Variants in STXBP6 observed in about 807,000 individuals in gnomAD.
STXBP6 encodes the protein syntaxin-binding protein 6.
Under a neutral mutation model 26.9 loss-of-function variants are expected in STXBP6, and 21 were observed. The ratio of observed to expected loss-of-function variants is 0.78; its 90% CI spans 0.55 to 1.12. STXBP6 has a LOEUF of 1.12. Among genes scored for constraint, STXBP6 ranks in the 50% most tolerant of loss-of-function variants. The pLI is 0.00. For synonymous variants in STXBP6, 97 were observed against 92.6 expected (o/e 1.05, Z -0.27); for missense variants, 232 against 257.9 (o/e 0.90, Z 0.69).
intron 1 of STXBP6, among the ~76,000 whole-genome samples, chr14:25,040,888 G>A (rs2075631918): frequency 6.6e-6 from 1 of 152,192 alleles, no homozygotes; most frequent in African/African-American, 2.4e-5. Flanking sequence ...AGATAGACCA[G>A]TAAGTATGTG....
At chr14:24,922,844 A>T (rs2072028312) in intron 2 of STXBP6, among the ~76,000 whole-genome samples, 1 of 152,184 alleles carries the variant, frequency 6.6e-6, no homozygotes, top group Admixed American at 6.5e-5. Context: ...ATGAAAGAAC[A>T]GCATGTCCAG....
chr14:25,031,295 T>C (rs140963793), intron 1 of STXBP6, among the ~76,000 whole-genome samples: 337 of 152,232 alleles, frequency 2.2e-3, no homozygotes, highest in Non-Finnish European at 3.7e-3. Flanking sequence ...TTCTAGAAAA[T>C]CACAATGAGC....
At chr14:24,941,568 T>C (rs931533281) in intron 2 of STXBP6, among the ~76,000 whole-genome samples, 5 of 151,610 alleles carry the variant, frequency 3.3e-5, no homozygotes, top group Non-Finnish European at 5.9e-5. Flanking sequence ...GAGCAGGAGG[T>C]TGAATAGTAA....
chr14:24,898,409 C>T (rs964279371), intron 2 of STXBP6, among the ~76,000 whole-genome samples: 6 of 152,026 alleles, frequency 3.9e-5, no homozygotes, highest in African/African-American at 7.2e-5. Context: ...CTGGGTGCGG[C>T]GGGTCATGCC....
At chr14:24,837,897 T>C (rs377060279) in intron 4 of STXBP6, among the ~76,000 whole-genome samples, 10 of 152,234 alleles carry the variant, frequency 6.6e-5, no homozygotes, top group African/African-American at 2.2e-4. Flanking sequence ...TGGCTGGAAA[T>C]AACAACTGGA....
chr14:24,945,411 A>G (rs1197356333), intron 2 of STXBP6, among the ~76,000 whole-genome samples: 3 of 152,000 alleles, frequency 2.0e-5, no homozygotes, highest in East Asian at 3.9e-4. Context: ...TAAAAAATAA[A>G]TAAATAAAAT....
At chr14:25,011,113 A>G (rs1316321510) in intron 1 of STXBP6, among the ~76,000 whole-genome samples, 1 of 152,248 alleles carries the variant, frequency 6.6e-6, no homozygotes, top group Non-Finnish European at 1.5e-5. Context: ...ATTTGTCTAT[A>G]ACTACAAAAA....
At chr14:25,015,342 T>C (rs113436463) in intron 1 of STXBP6, among the ~76,000 whole-genome samples, 190 of 152,220 alleles carry the variant, frequency 1.2e-3, no homozygotes, top group African/African-American at 4.1e-3. Flanking sequence ...GGGCCTCTTG[T>C]GCACTCCTCT....
At chr14:24,885,497 C>T (rs937020596) in intron 2 of STXBP6, among the ~76,000 whole-genome samples, 6 of 152,232 alleles carry the variant, frequency 3.9e-5, no homozygotes, top group African/African-American at 1.4e-4. Context: ...GCCCATTACA[C>T]TCAATCCCCT....
chr14:24,872,231 T>C (rs751429973), intron 2 of STXBP6, among the ~76,000 whole-genome samples: 4 of 152,114 alleles, frequency 2.6e-5, no homozygotes, highest in South Asian at 2.1e-4. Flanking sequence ...AAGATAAGCA[T>C]TGAGGAGTAA....
At chr14:24,833,452 C>A (rs2068518297) in intron 4 of STXBP6, among the ~76,000 whole-genome samples, 1 of 152,080 alleles carries the variant, frequency 6.6e-6, no homozygotes, top group African/African-American at 2.4e-5. Flanking sequence ...AAGAATAATC[C>A]CTTCATTTTT....
chr14:24,991,173 AGAGGAG>A (rs112495862), intron 1 of STXBP6, among the ~76,000 whole-genome samples: 1 of 149,460 alleles, frequency 6.7e-6, no homozygotes, highest in African/African-American at 2.5e-5. Flanking sequence ...GAGCAGAGAG[AGAGGAG>A]GAGGAGGAGG....
chr14:25,017,645 A>G (rs1458663856), intron 1 of STXBP6, among the ~76,000 whole-genome samples: 3 of 152,252 alleles, frequency 2.0e-5, no homozygotes, highest in Admixed American at 6.5e-5. Flanking sequence ...TTGGGCCACA[A>G]TACATCTCAA....
At chr14:24,890,925 AGT>A (rs766722540) in intron 2 of STXBP6, among the ~76,000 whole-genome samples, 25 of 152,218 alleles carry the variant, frequency 1.6e-4, no homozygotes, top group Admixed American at 3.3e-4. Context: ...CTAACAATCA[AGT>A]ATCAGGGTAG....
chr14:25,007,013 T>C (rs912409476), intron 1 of STXBP6, among the ~76,000 whole-genome samples: 1 of 152,256 alleles, frequency 6.6e-6, no homozygotes, highest in African/African-American at 2.4e-5. Flanking sequence ...CTCAAAATTA[T>C]GCCTCGGCAA....
At chr14:24,900,547 T>C (rs1448455781) in intron 2 of STXBP6, among the ~76,000 whole-genome samples, 1 of 152,210 alleles carries the variant, frequency 6.6e-6, no homozygotes, top group Non-Finnish European at 1.5e-5. Flanking sequence ...CAGATCTCTG[T>C]TGGGAGAGAA....
At chr14:24,959,004 G>A (rs559617846) in intron 2 of STXBP6, among the ~76,000 whole-genome samples, 10 of 152,204 alleles carry the variant, frequency 6.6e-5, no homozygotes, top group Admixed American at 4.6e-4. Flanking sequence ...GTCATAATGC[G>A]TCTATCAACC....
chr14:24,915,014 T>C (rs1430270750), intron 2 of STXBP6, among the ~76,000 whole-genome samples: 1 of 152,206 alleles, frequency 6.6e-6, no homozygotes, highest in Non-Finnish European at 1.5e-5. Flanking sequence ...AAAGTTTGGT[T>C]CAACATTGTC....
At chr14:25,024,680 G>C (rs2075317616) in intron 1 of STXBP6, among the ~76,000 whole-genome samples, 1 of 152,134 alleles carries the variant, frequency 6.6e-6, no homozygotes, top group Admixed American at 6.5e-5. Context: ...CCAACTCCTA[G>C]ACAGCCTAGC....
Sources: allele counts gnomAD v4.1 joint callset (sites outside exome capture counted in the v4.1 genomes callset), GRCh38; gene constraint gnomAD v4.1.1; transcripts MANE v1.5; gene names NCBI Gene and HGNC (gene_info 2026-07-23, HGNC 2026-07-21).